The following PTPRT variants were observed in gnomAD, a reference collection of about 807,000 sequenced individuals.
PTPRT encodes the protein protein tyrosine phosphatase receptor type T.
PTPRT carries 56 observed loss-of-function variants against 176.8 expected under a neutral mutation model. That is an observed-to-expected ratio of 0.32 (90% confidence interval 0.26 to 0.40). The LOEUF is 0.40. PTPRT is among the 10% of genes least tolerant of loss of function. The pLI is 1.00. For missense variants in PTPRT, 1,540 were observed against 1,908.2 expected (o/e 0.81, Z 3.60); for synonymous variants, 783 against 739.0 (o/e 1.06, Z -0.96).
chr20:42,949,327 T>C (rs1309861696), intron 1 of PTPRT, among the ~76,000 whole-genome samples: 4 of 152,212 alleles, frequency 2.6e-5, no homozygotes, highest in African/African-American at 9.6e-5. Flanking sequence ...TCACAACATC[T>C]GCTGCCACTG....
chr20:42,524,044 T>C (rs1370809795), intron 7 of PTPRT, among the ~76,000 whole-genome samples: 1 of 152,152 alleles, frequency 6.6e-6, no homozygotes, highest in African/African-American at 2.4e-5. Context: ...GTAGTATCAA[T>C]ACATCACTTC....
chr20:42,246,693 G>A (rs888460140), intron 14 of PTPRT, among the ~76,000 whole-genome samples: 1 of 152,184 alleles, frequency 6.6e-6, no homozygotes. Flanking sequence ...GGTGACGTGG[G>A]TTAAGCCAGG....
intron 18 of PTPRT, among the ~76,000 whole-genome samples, chr20:42,139,392 T>C (rs1300451785): frequency 6.6e-6 from 1 of 152,186 alleles, no homozygotes; most frequent in Non-Finnish European, 1.5e-5. Flanking sequence ...AAGCAGTTTA[T>C]GTAGGAGGAG....
At chr20:42,184,614 T>TCTTCTCCTCCTCCTC (rs1990692690) in intron 16 of PTPRT, among the ~76,000 whole-genome samples, 2 of 142,674 alleles carry the variant, frequency 1.4e-5, no homozygotes, top group Admixed American at 7.0e-5. Context: ...TTCTTCTTCT[T>TCTTCTCCTCCTCCTC]CTCCTCCTTC....
intron 1 of PTPRT, among the ~76,000 whole-genome samples, chr20:42,926,041 C>T (rs206684): frequency 0.077 from 11,689 of 152,248 alleles, 1,311 homozygotes; most frequent in African/African-American, 0.24. Context: ...TTAGATGGGC[C>T]GTCCCCTCTC....
At chr20:42,469,080 T>G (rs2071148570) in intron 8 of PTPRT, among the ~76,000 whole-genome samples, 1 of 152,166 alleles carries the variant, frequency 6.6e-6, no homozygotes, top group Non-Finnish European at 1.5e-5. Context: ...AATACCTTTT[T>G]GTTTTTTTTT....
Position 43,170,489 on chromosome 20 carries a change from G to C in PTPRT, c.88+19157C>G, listed in dbSNP as rs370950235. Among the ~76,000 whole-genome samples the C allele has an allele frequency of 4.6e-5, 7 of 152,156 alleles. No homozygotes were observed. The East Asian group carries it at 5.8e-4, about 13-fold the overall frequency. On this transcript the variant is annotated intron_variant, in intron 1 of 30. Transcript: ENST00000373187. The stretch of plus-strand genomic sequence containing the variant: ...TCTCCAACAATGGCTATAAGTTCAA[G>C]TCACATTACAAATTTTTCCTAATGA...
In PTPRT at chr20:42,352,297, G is replaced by A. The variant is rs1263532351; in HGVS notation, c.1561-12C>T. On this transcript the variant is annotated splice_polypyrimidine_tract_variant and intron_variant, in intron 9 of 30. Transcript: ENST00000373187. The stretch of plus-strand genomic sequence containing the variant: ...GCCTTGTAGTTGATCTGTAGGACAA[G>A]CCAGCAAACAAACAAACAAATAAAT... 2 of 1,613,838 alleles carry A rather than the reference G, an allele frequency of 1.2e-6. No individual in the cohort carries two copies. The highest frequency in any genetic ancestry group is 2.2e-5 in the East Asian group (1 of 44,866).
At chr20:42,284,371 G>A (rs1381351865) in intron 12 of PTPRT, among the ~76,000 whole-genome samples, 1 of 151,968 alleles carries the variant, frequency 6.6e-6, no homozygotes, top group Non-Finnish European at 1.5e-5. Context: ...CCCAAGTACA[G>A]AGTCATATTT....
intron 1 of PTPRT, among the ~76,000 whole-genome samples, chr20:43,050,138 A>C (rs762996680): frequency 2.0e-5 from 3 of 152,214 alleles, no homozygotes; most frequent in South Asian, 4.1e-4. Flanking sequence ...TTACCAAGGA[A>C]GGGAACATGC....
At chr20:42,700,548 A>T (rs1469476190) in intron 6 of PTPRT, among the ~76,000 whole-genome samples, 2 of 152,262 alleles carry the variant, frequency 1.3e-5, no homozygotes, top group African/African-American at 4.8e-5. Context: ...TTATTAAACA[A>T]GCCGACCTTA....
In PTPRT at chr20:42,114,604, A is replaced by C. The variant is rs893327771; in HGVS notation, c.3099+595T>G. ...TTTGTTGTCGGAGGCTGTCCTGTGC[A>C]TTGTGGAATGTTTATAAGCATCTCT... is the stretch of plus-strand genomic sequence containing the variant. On this transcript the variant is annotated intron_variant, in intron 22 of 30. Coordinates refer to ENST00000373187, the MANE Select transcript of PTPRT (RefSeq NM_007050.6). Among the ~76,000 whole-genome samples the C allele has an allele frequency of 2.6e-5, 4 of 152,094 alleles. No individual in the cohort carries two copies. The South Asian group carries it at 8.3e-4, about 32-fold the overall frequency.
chr20:42,234,475 C>T (rs1193876091), intron 15 of PTPRT, among the ~76,000 whole-genome samples: 1 of 152,200 alleles, frequency 6.6e-6, no homozygotes, highest in Non-Finnish European at 1.5e-5. Context: ...TTTGCAGATG[C>T]AGTTTCCTCT....
chr20:43,122,446 T>C lies in PTPRT; in HGVS notation c.88+67200A>G, dbSNP rs994315366. Among the ~76,000 whole-genome samples, 4 of 152,348 alleles carry C rather than the reference T, an allele frequency of 2.6e-5. No individual in the cohort carries two copies. The Middle Eastern group carries it at 0.01, about 389-fold the overall frequency. ...TGAAGAGAGCAAGAAACTCCACTTA[T>C]GATACGGTTTGGGTGTTTGTCCCTT... On this transcript the variant is annotated intron_variant, in intron 1 of 30. Coordinates refer to ENST00000373187, the MANE Select transcript of PTPRT (RefSeq NM_007050.6).
intron 7 of PTPRT, among the ~76,000 whole-genome samples, chr20:42,557,899 G>A (rs1417999841): frequency 6.6e-6 from 1 of 152,150 alleles, no homozygotes; most frequent in Non-Finnish European, 1.5e-5. Context: ...AACCCATTGG[G>A]CAATTACAAA....
chr20:42,886,255 CTG>C, intron 1 of PTPRT, among the ~76,000 whole-genome samples: 1 of 152,272 alleles, frequency 6.6e-6, no homozygotes, highest in Non-Finnish European at 1.5e-5. Context: ...GGGCATGCCT[CTG>C]TAATTGCTTT....
Position 42,633,479 on chromosome 20 carries a change from G to A in PTPRT, c.1153+44387C>T, listed in dbSNP as rs76415026. ...TCTAACACTTCGTTGTAAGTTGACA[G>A]TAGGAGAAAATGGTTATTAGAATAT... On this transcript the variant is annotated intron_variant, in intron 7 of 30. Coordinates refer to ENST00000373187, the MANE Select transcript of PTPRT (RefSeq NM_007050.6). Among the ~76,000 whole-genome samples the A allele has an allele frequency of 2.6e-3, 389 of 151,970 alleles. 2 individuals carry two copies. The highest frequency in any genetic ancestry group is 8.8e-3 in the African/African-American group (366 of 41,426).
At chr20:42,523,414 C>A (rs2072212554) in intron 7 of PTPRT, among the ~76,000 whole-genome samples, 1 of 152,140 alleles carries the variant, frequency 6.6e-6, no homozygotes, top group African/African-American at 2.4e-5. Flanking sequence ...CATTGTTGGA[C>A]AACCTGATTG....
At chr20:42,718,866 C>A (rs2076265459) in intron 6 of PTPRT, among the ~76,000 whole-genome samples, 1 of 151,928 alleles carries the variant, frequency 6.6e-6, no homozygotes, top group Non-Finnish European at 1.5e-5. Flanking sequence ...ACACACACAC[C>A]AAAAAATAAG....
Sources: gnomAD v4.1 joint callset for allele counts (sites outside exome capture counted in the v4.1 genomes callset) on GRCh38, gnomAD v4.1.1 for gene constraint, MANE v1.5 for transcripts, NCBI Gene and HGNC (gene_info 2026-07-23, HGNC 2026-07-21) for gene names.